Variants in ADAMTS19 observed in about 807,000 individuals in gnomAD.
ADAMTS19 encodes A disintegrin and metalloproteinase with thrombospondin motifs 19.
ADAMTS19 carries 93 observed loss-of-function variants against 153.3 expected under a neutral mutation model. That is an observed-to-expected ratio of 0.61 (90% CI 0.51 to 0.72). The LOEUF (loss-of-function observed/expected upper bound fraction) is 0.72. Among genes scored for constraint, ADAMTS19 ranks in the 30% least tolerant of loss-of-function variants. The pLI is 0.00. For synonymous variants in ADAMTS19, 600 were observed against 556.6 expected, an observed-to-expected ratio of 1.08 and a Z score of -1.10; for missense variants, 1,482 against 1,552.1, an observed-to-expected ratio of 0.95 and a Z score of 0.76.
intron 7 of ADAMTS19, among the ~76,000 whole-genome samples, chr5:129,586,781 C>T (rs929276494): frequency 5.3e-5 from 8 of 152,140 alleles, no homozygotes; most frequent in African/African-American, 1.7e-4. Flanking sequence ...CAATGAATGA[C>T]GGTTCCTGCT....
At chr5:129,725,974 C>T (rs1757194370) in intron 21 of ADAMTS19, among the ~76,000 whole-genome samples, 2 of 152,086 alleles carry the variant, frequency 1.3e-5, no homozygotes. Context: ...ACAAATTTTG[C>T]TTTCAGAGAC....
intron 17 of ADAMTS19, 40 bp downstream of exon 17, chr5:129,679,961 C>A: frequency 1.3e-6 from 2 of 1,575,360 alleles, no homozygotes; most frequent in Non-Finnish European, 1.7e-6. Flanking sequence ...TAATCAACTT[C>A]TCATGGCAAG....
chr5:129,483,163 A>G (rs1256321480), intron 2 of ADAMTS19, among the ~76,000 whole-genome samples: 1 of 152,200 alleles, frequency 6.6e-6, no homozygotes, highest in African/African-American at 2.4e-5. Flanking sequence ...CAGCCATATA[A>G]TAATCCATCA....
chr5:129,670,809 C>T (rs1754268078), intron 16 of ADAMTS19, among the ~76,000 whole-genome samples: 1 of 152,072 alleles, frequency 6.6e-6, no homozygotes, highest in South Asian at 2.1e-4. Flanking sequence ...GTCTCCAATT[C>T]TACTAAATCC....
intron 18 of ADAMTS19, among the ~76,000 whole-genome samples, chr5:129,693,068 G>T (rs1755406184): frequency 6.6e-6 from 1 of 152,100 alleles, no homozygotes. Flanking sequence ...AATAACCACA[G>T]AATTATTATT....
chr5:129,627,736 A>G (rs1002351321), intron 10 of ADAMTS19, among the ~76,000 whole-genome samples: 1 of 152,182 alleles, frequency 6.6e-6, no homozygotes, highest in Non-Finnish European at 1.5e-5. Context: ...CAAAACGACA[A>G]TGAGATAACA....
chr5:129,470,692 G>C (rs1231045838), intron 2 of ADAMTS19, among the ~76,000 whole-genome samples: 1 of 152,130 alleles, frequency 6.6e-6, no homozygotes, highest in Non-Finnish European at 1.5e-5. Context: ...TTTCCAGAGA[G>C]AGAAACTTGA....
At chr5:129,726,717 T>G (rs1278838859) in intron 21 of ADAMTS19, among the ~76,000 whole-genome samples, 7 of 152,124 alleles carry the variant, frequency 4.6e-5, no homozygotes, top group African/African-American at 1.4e-4. Context: ...TCAAAAGACT[T>G]GCATTTGAGG....
intron 2 of ADAMTS19, among the ~76,000 whole-genome samples, chr5:129,490,659 AAAT>A (rs1313745629): frequency 6.6e-6 from 1 of 152,164 alleles, no homozygotes; most frequent in African/African-American, 2.4e-5. Context: ...AAGTCTAGGT[AAAT>A]AATGAGACAA....
chr5:129,663,296 T>C (rs1753899177), intron 15 of ADAMTS19, among the ~76,000 whole-genome samples: 1 of 152,206 alleles, frequency 6.6e-6, no homozygotes, highest in Non-Finnish European at 1.5e-5. Flanking sequence ...TTTTCTCCAC[T>C]TATTTCCATG....
chr5:129,488,601 C>A (rs1750670313), intron 2 of ADAMTS19, among the ~76,000 whole-genome samples: 1 of 151,886 alleles, frequency 6.6e-6, no homozygotes, highest in South Asian at 2.1e-4. Context: ...AGTTTACTAC[C>A]CAAGCCAATA....
At chr5:129,724,995 C>T (rs758787714) in intron 21 of ADAMTS19, among the ~76,000 whole-genome samples, 5 of 152,004 alleles carry the variant, frequency 3.3e-5, no homozygotes, top group South Asian at 4.1e-4. Flanking sequence ...GCACAGTTGC[C>T]GGCATTCACC....
chr5:129,580,295 A>C (rs1484951036), intron 7 of ADAMTS19, among the ~76,000 whole-genome samples: 1 of 152,084 alleles, frequency 6.6e-6, no homozygotes, highest in East Asian at 1.9e-4. Context: ...TTGTATCCTG[A>C]ACTTTGCTGA....
At position 129,551,851 on chromosome 5, in the gene ADAMTS19, T is replaced by C; in HGVS notation, c.1329-13T>C. 6.5e-7 allele frequency: 1 copy of C among 1,546,042 alleles called. No individual in the cohort carries two copies. Among genetic ancestry groups the C allele is most frequent in the Non-Finnish European group, 8.8e-7 (1 of 1,139,146 alleles). ...AATTTATCTTTATTTCAGTTTTCTA[T>C]TTTTCTTTCTAGGAAAGATTTCTGT... On this transcript the variant is annotated splice_polypyrimidine_tract_variant and intron_variant, in intron 6 of 22. Coordinates refer to ENST00000274487, the MANE Select transcript of ADAMTS19 (RefSeq NM_133638.6).
chr5:129,649,322 A>G (rs1753210441), intron 13 of ADAMTS19, among the ~76,000 whole-genome samples: 1 of 152,198 alleles, frequency 6.6e-6, no homozygotes, highest in Non-Finnish European at 1.5e-5. Flanking sequence ...ATAACTAAAC[A>G]TACACTAACA....
intron 8 of ADAMTS19, among the ~76,000 whole-genome samples, chr5:129,598,803 T>A (rs1399464077): frequency 6.6e-6 from 1 of 152,210 alleles, no homozygotes; most frequent in Non-Finnish European, 1.5e-5. Context: ...GCCAGGGGAT[T>A]GGTTCCTGGA....
chr5:129,571,975 T>C (rs1166554355), intron 7 of ADAMTS19, among the ~76,000 whole-genome samples: 2 of 151,860 alleles, frequency 1.3e-5, no homozygotes, highest in African/African-American at 2.4e-5. Context: ...ATGACCATTA[T>C]ACAAAAGTTA....
At chr5:129,667,005 G>C (rs1260456478) in intron 16 of ADAMTS19, among the ~76,000 whole-genome samples, 2 of 152,154 alleles carry the variant, frequency 1.3e-5, no homozygotes, top group African/African-American at 4.8e-5. Context: ...TCTTCATGCT[G>C]TCTCCAATTT....
chr5:129,485,900 C>G (rs1750574507), intron 2 of ADAMTS19, among the ~76,000 whole-genome samples: 1 of 152,024 alleles, frequency 6.6e-6, no homozygotes, highest in South Asian at 2.1e-4. Flanking sequence ...AAGTGATTCT[C>G]CTGCCTCTGC....
Sources: allele counts gnomAD v4.1 joint callset (sites outside exome capture counted in the v4.1 genomes callset), GRCh38; gene constraint gnomAD v4.1.1; transcripts MANE v1.5; gene names NCBI Gene and HGNC (gene_info 2026-07-23, HGNC 2026-07-21).